NOP14: variants seen among roughly 807,000 people sequenced by gnomAD.
NOP14 encodes nucleolar protein 14.
In NOP14, 57 loss-of-function variants were observed where a neutral mutation model predicts 101.6. The observed-to-expected ratio is 0.56, with a 90% CI of 0.45 to 0.70. The LOEUF (loss-of-function observed/expected upper bound fraction) is 0.70. Among genes scored for constraint, NOP14 ranks in the 30% least tolerant of loss-of-function variants. The probability of loss-of-function intolerance (pLI) is 0.00; values close to 1 mark genes in which losing one functional copy is unlikely to be tolerated. For synonymous variants in NOP14, 428 were observed against 424.0 expected (o/e 1.01, Z -0.12); for missense variants, 1,134 against 1,075.5 (o/e 1.05, Z -0.76).
rs1303235136 is a variant in NOP14 at position 2,946,522 on chromosome 4, A to G, written c.1525T>C (p.Phe509Leu). Residue 509 changes from phenylalanine to leucine, a missense_variant, in exon 11 of 18, where the codon TTT becomes CTT. Physicochemically the swap from Phe to Leu is conservative, Grantham distance 22. Transcript: ENST00000416614. ...VVHLYHLCQM[F>L]PESASDAIKF... ...ATAGCGTCACTTGCAGATTCAGGAA[A>G]CATCTGGCAAAGATGATATAAGTGC... The G allele has an allele frequency of 2.5e-6, 4 of 1,614,220 alleles. No individual in the cohort carries two copies. The highest frequency in any genetic ancestry group is 3.4e-6 in the Non-Finnish European group (4 of 1,180,008).
At position 2,938,428 on chromosome 4, in the gene NOP14, G is replaced by C; in HGVS notation, c.*403C>G. The stretch of plus-strand genomic sequence containing the variant: ...CCAGCTACTCGGGAGGCTGAGGCAG[G>C]AGAATCGCTTGAACCCAGGAGGTGG... On this transcript the variant is annotated 3_prime_UTR_variant, in exon 18 of 18. Coordinates refer to ENST00000416614, the MANE Select transcript of NOP14 (RefSeq NM_001291978.2). The C allele has an allele frequency of 2.8e-6, 1 of 353,404 alleles. No homozygotes were observed. The highest frequency in any genetic ancestry group is 2.1e-5 in the South Asian group (1 of 46,832). 21.9% of individuals were successfully genotyped at this position (353,404 alleles called of 1,614,324 possible). A position where few individuals can be genotyped will look rare whatever the true frequency, so the allele number is the denominator to read the frequency against.
At chr4:2,961,164 T>C (rs1260594718) in intron 1 of NOP14, among the ~76,000 whole-genome samples, 1 of 4,414 alleles carries the variant, frequency 2.3e-4, no homozygotes, top group Non-Finnish European at 4.1e-4. Flanking sequence ...AATATATTAA[T>C]ATGCTATTAC....
Position 2,963,333 on chromosome 4 carries a change from C to T in NOP14, c.-14G>A. ...CGCCTTCGCCATGGCGCGCGCCCCGCTGCGCCCAAGGGCCCGAGACCCGAA... is the reference window on the plus strand; with the variant it reads ...CGCCTTCGCCATGGCGCGCGCCCCGTTGCGCCCAAGGGCCCGAGACCCGAA... On this transcript the variant is annotated 5_prime_UTR_variant, in exon 1 of 18. Coordinates refer to ENST00000416614, the MANE Select transcript of NOP14 (RefSeq NM_001291978.2). 1 of 1,560,810 alleles carries T rather than the reference C, an allele frequency of 6.4e-7. No homozygotes were observed. The highest frequency in any genetic ancestry group is 8.6e-7 in the Non-Finnish European group (1 of 1,158,698).
At chr4:2,952,697 T>C (rs1560304409) in intron 5 of NOP14, among the ~76,000 whole-genome samples, 1 of 152,188 alleles carries the variant, frequency 6.6e-6, no homozygotes, top group Non-Finnish European at 1.5e-5. Context: ...ATCCCAGCAC[T>C]TTGGGAGGCC....
In NOP14 at chr4:2,957,730, G is replaced by A. The variant is rs768480406; in HGVS notation, c.206C>T (p.Thr69Ile). ...CCTTTCTTTGTACTCTTTTAGTAAAGTCTGTGTACGCTGGAAAACAGGTCA... is the reference window on the plus strand; with the variant it reads ...CCTTTCTTTGTACTCTTTTAGTAAAATCTGTGTACGCTGGAAAACAGGTCA... ...RARALRKRTQ[T>I]LLKEYKERDK... is the part of the protein sequence containing the mutation. Residue 69 changes from threonine (T) to isoleucine (I), a missense_variant, in exon 2 of 18, where the codon ACT (threonine) becomes ATT (isoleucine). Transcript: ENST00000416614. The A allele has an allele frequency of 6.2e-7, 1 of 1,613,620 alleles. No homozygotes were observed. The highest frequency in any genetic ancestry group is 8.5e-7 in the Non-Finnish European group (1 of 1,179,850).
Position 2,941,715 on chromosome 4 carries a change from G to A in NOP14, c.2066C>T (p.Ala689Val). The change falls in exon 15 of 18, where the codon GCT becomes GTT. Residue 689 changes from alanine to valine, a missense_variant. Transcript: ENST00000416614. ...GCGCTTCAGCAGGGCCAGGCCCACA[G>A]CCAGGCAGGACAGTCTGTGAGGGCA... ...EANHIRLSCL[A>V]VGLALLKRCV... 1 of 1,612,730 alleles carries A rather than the reference G, an allele frequency of 6.2e-7. No individual in the cohort carries two copies. The highest frequency in any genetic ancestry group is 1.1e-5 in the South Asian group (1 of 90,574).
intron 1 of NOP14, among the ~76,000 whole-genome samples, chr4:2,959,409 G>A (rs1031604091): frequency 2.3e-4 from 35 of 152,218 alleles, no homozygotes; most frequent in Non-Finnish European, 3.4e-4. Flanking sequence ...TGGGTAACAT[G>A]GTGAAACCCC....
At chr4:2,957,814 A>G in intron 1 of NOP14, 74 bp from the exon 2 acceptor site, 1 of 1,513,722 alleles carries the variant, frequency 6.6e-7, no homozygotes, top group South Asian at 1.2e-5. Context: ...AGAACAGTGC[A>G]TACTTTAAAG....
chr4:2,939,204 A>G lies in NOP14; in HGVS notation c.2458T>C (p.Ser820Pro), dbSNP rs1282281515. The G allele has an allele frequency of 3.1e-6, 5 of 1,613,818 alleles. No individual in the cohort carries two copies. The highest frequency in any genetic ancestry group is 1.3e-5 in the African/African-American group (1 of 74,922). The change falls in exon 17 of 18, where the codon TCA (serine) becomes CCA (proline). Residue 820 changes from serine (S) to proline (P), a missense_variant. Coordinates refer to ENST00000416614, the MANE Select transcript of NOP14 (RefSeq NM_001291978.2). ...DNQFLARMQL[S>P]EIMERDAERK... The stretch of plus-strand genomic sequence containing the variant: ...CCCCCTCACCGTTCCATGATTTCTG[A>G]GAGTTGCATCCTCGCCAGGAACTGA...
intron 2 of NOP14, among the ~76,000 whole-genome samples, chr4:2,957,354 C>T (rs1470293257): frequency 6.6e-6 from 1 of 152,222 alleles, no homozygotes; most frequent in Admixed American, 6.5e-5. Flanking sequence ...TCCAGCAATG[C>T]TGCTCAGCTG....
intron 5 of NOP14, among the ~76,000 whole-genome samples, chr4:2,952,873 G>T (rs1252199497): frequency 6.6e-6 from 1 of 152,246 alleles, no homozygotes; most frequent in African/African-American, 2.4e-5. Flanking sequence ...AACCCAGGAG[G>T]TGGAGGTTGC....
In NOP14 at chr4:2,946,438, G is replaced by A. The variant is rs747843739; in HGVS notation, c.1609C>T (p.Arg537Trp). The change falls in exon 11 of 18, where the codon CGG (arginine) becomes TGG (tryptophan). Residue 537 changes from arginine to tryptophan, a missense_variant. Physicochemically the swap from Arg to Trp is moderately radical, Grantham distance 101. Transcript: ENST00000416614. ...ACATCCAACCCTGGCAATGCCGCCC[G>A]GCCTTTGGTCTCAATCATTTCTTCC... The part of the protein sequence containing the change: ...EMEEMIETKG[R>W]AALPGLDVLI... The A allele has an allele frequency of 5.0e-6, 8 of 1,614,224 alleles. No individual in the cohort carries two copies. Among genetic ancestry groups the A allele is most frequent in the Middle Eastern group, 1.6e-4 (1 of 6,062 alleles).
rs750150603 is a variant in NOP14 at position 2,952,395 on chromosome 4, G to A, written c.750C>T (p.Pro250=). ...ENRDKKEKPK[P]DAYDMMVREL... ...CGCGAACCATCATGTCATATGCATCGGGCTAAGGTAGAAAGAAGAAATTCT... is the reference window on the plus strand; with the variant it reads ...CGCGAACCATCATGTCATATGCATCAGGCTAAGGTAGAAAGAAGAAATTCT... The change falls in exon 6 of 18, where the codon CCC becomes CCT. Residue 250 remains proline (P), a splice_region_variant and synonymous_variant. Coordinates refer to ENST00000416614, the MANE Select transcript of NOP14 (RefSeq NM_001291978.2). 5 of 1,585,684 alleles carry A rather than the reference G, an allele frequency of 3.2e-6. No homozygotes were observed. The highest frequency in any genetic ancestry group is 4.5e-5 in the East Asian group (2 of 44,374).
At chr4:2,941,793 CG>C in intron 14 of NOP14, 64 bp from the exon 15 acceptor site, 1 of 1,543,432 alleles carries the variant, frequency 6.5e-7, no homozygotes, top group South Asian at 1.2e-5. Flanking sequence ...AAACCAATAA[CG>C]TGGCAAAAAT....
At chr4:2,941,950 G>T (rs1714233117) in intron 14 of NOP14, 9 of 630,404 alleles carry the variant, frequency 1.4e-5, no homozygotes, top group Non-Finnish European at 2.4e-5. Flanking sequence ...CGCCAGCTGG[G>T]ATGGGGCGGC....
intron 5 of NOP14, 125 bp from the exon 6 acceptor site, chr4:2,952,522 C>T (rs1715098340): frequency 2.4e-6 from 2 of 822,902 alleles, no homozygotes; most frequent in Non-Finnish European, 3.5e-6. Flanking sequence ...AGTAGCTAAG[C>T]CACATCTACG....
chr4:2,951,941 T>C (rs1265228070), intron 6 of NOP14, among the ~76,000 whole-genome samples: 1 of 152,108 alleles, frequency 6.6e-6, no homozygotes, highest in Non-Finnish European at 1.5e-5. Flanking sequence ...ATCCTATCTC[T>C]ACTAAAAATA....
intron 3 of NOP14, among the ~76,000 whole-genome samples, chr4:2,955,544 C>T (rs1248249978): frequency 6.6e-6 from 1 of 150,752 alleles, no homozygotes; most frequent in Non-Finnish European, 1.5e-5. Flanking sequence ...GCCACGGCGC[C>T]CCCTCTAGTC....
At chr4:2,958,372 G>C (rs1167357572) in intron 1 of NOP14, among the ~76,000 whole-genome samples, 1 of 152,244 alleles carries the variant, frequency 6.6e-6, no homozygotes, top group Non-Finnish European at 1.5e-5. Flanking sequence ...CCTAAAGAAA[G>C]CTGTGAGAGG....
Sources: allele counts gnomAD v4.1 joint callset (sites outside exome capture counted in the v4.1 genomes callset), GRCh38; gene constraint gnomAD v4.1.1; transcripts MANE v1.5; gene names NCBI Gene and HGNC (gene_info 2026-07-23, HGNC 2026-07-21).